The following OR52K1 variants were observed in gnomAD, a reference collection of about 807,000 sequenced individuals.
OR52K1 encodes the protein olfactory receptor 52K1.
A neutral mutation model predicts 8.7 loss-of-function variants in OR52K1; 10 were observed. The ratio of observed to expected loss-of-function variants is 1.15; its 90% CI spans 0.71 to 1.95. OR52K1 has a LOEUF of 1.95. OR52K1 is among the 30% of genes most tolerant of loss of function. The pLI, the probability that OR52K1 is intolerant of heterozygous loss-of-function variation, is 0.00. For synonymous variants in OR52K1, 203 were observed against 148.5 expected, an observed-to-expected ratio of 1.37 and a Z score of -2.67; for missense variants, 431 against 397.2, an observed-to-expected ratio of 1.08 and a Z score of -0.72.
Position 4,489,465 on chromosome 11 carries a change from C to A in OR52K1, c.565C>A (p.Leu189Met). ...CTGTGAACACATGGCTGTGGTAAGG[C>A]TGGCGTGTGGGGACACTAGCTTCAA... ...CYCEHMAVVR[L>M]ACGDTSFNNI... Residue 189 changes from leucine to methionine, a missense_variant, in exon 2 of 2, where the codon CTG (leucine) becomes ATG (methionine). Transcript: ENST00000641528. 6.2e-7 allele frequency: 1 copy of A among 1,614,206 alleles called. No homozygotes were observed. The highest frequency in any genetic ancestry group is 8.5e-7 in the Non-Finnish European group (1 of 1,180,014).
intron 1 of OR52K1, among the ~76,000 whole-genome samples, chr11:4,483,542 T>C (rs897479510): frequency 3.3e-5 from 5 of 152,170 alleles, no homozygotes; most frequent in Admixed American, 3.3e-4. Flanking sequence ...GGAGTTGATT[T>C]TAGATGAACT....
rs879464578 is a variant in OR52K1 at position 4,491,508 on chromosome 11, A to G, written c.*1663A>G. On this transcript the variant is annotated 3_prime_UTR_variant, in exon 2 of 2. Coordinates refer to ENST00000641528, the MANE Select transcript of OR52K1 (RefSeq NM_001005171.3). ...GTACATTCACTGCAGCACTATTCAC[A>G]ATAGCAAAGACACGGAATCAACCTA... The G allele has an allele frequency of 6.6e-6, 1 of 152,214 alleles. No individual in the cohort carries two copies. The highest frequency in any genetic ancestry group is 1.5e-5 in the Non-Finnish European group (1 of 68,040). The allele number at this position is 152,214 out of a possible 1,614,324, so 9.4% of individuals were successfully genotyped here. A position where few individuals can be genotyped will look rare whatever the true frequency, so the allele number is the denominator to read the frequency against.
At position 4,488,877 on chromosome 11, in the gene OR52K1, T is replaced by A. The variant is rs1229811694; in HGVS notation, c.-24T>A. The stretch of plus-strand genomic sequence containing the variant: ...AGAAGGTGAAGAAGCCCTGTAAAAA[T>A]TGACAAGGAGATTTCCAGGAGCCAT... On this transcript the variant is annotated 5_prime_UTR_variant, in exon 2 of 2. It adds an upstream start codon to the 5' untranslated region. Transcript: ENST00000641528. The A allele has an allele frequency of 6.4e-7, 1 of 1,568,550 alleles. No individual in the cohort carries two copies. Among genetic ancestry groups the A allele is most frequent in the African/African-American group, 1.4e-5 (1 of 73,760 alleles).
Position 4,489,413 on chromosome 11 carries a change from C to T in OR52K1, c.513C>T (p.Cys171=), listed in dbSNP as rs1564832617. 2 of 1,614,208 alleles carry T rather than the reference C, an allele frequency of 1.2e-6. No individual in the cohort carries two copies. Among genetic ancestry groups the T allele is most frequent in the Non-Finnish European group, 1.7e-6 (2 of 1,180,032 alleles). The change falls in exon 2 of 2, where the codon TGC becomes TGT. Residue 171 remains cysteine (C), a synonymous_variant. Transcript: ENST00000641528. Reference sequence around the variant, plus strand: ...TCCTGCTCAGACGCTTCCACTACTGCCGAGGCCCAGTGATTGCCCATTGCT... The same window carrying T: ...TCCTGCTCAGACGCTTCCACTACTGTCGAGGCCCAGTGATTGCCCATTGCT... ...LPFLLRRFHY[C]RGPVIAHCYC...
At chr11:4,486,706 T>C (rs577004344) in intron 1 of OR52K1, among the ~76,000 whole-genome samples, 9 of 152,326 alleles carry the variant, frequency 5.9e-5, no homozygotes, top group African/African-American at 2.2e-4. Flanking sequence ...TCTCCAACCT[T>C]TAGCAAACTT....
chr11:4,487,452 A>C (rs1165828996), intron 1 of OR52K1, among the ~76,000 whole-genome samples: 1 of 151,982 alleles, frequency 6.6e-6, no homozygotes, highest in African/African-American at 2.4e-5. Context: ...TACCACTAGA[A>C]TATGTGGCAG....
At position 4,489,547 on chromosome 11, in the gene OR52K1, T is replaced by C. The variant is rs746026565; in HGVS notation, c.647T>C (p.Val216Ala). The change falls in exon 2 of 2, where the codon GTT (valine) becomes GCT (alanine). Residue 216 changes from valine to alanine, a missense_variant. Coordinates refer to ENST00000641528, the MANE Select transcript of OR52K1 (RefSeq NM_001005171.3). Reference protein sequence around the residue: ...MFIVVLDLLFVILSYVFILQA... With the variant: ...MFIVVLDLLFAILSYVFILQA... ...ATTGTGGTGTTGGACCTGCTCTTTG[T>C]TATCCTGTCTTATGTCTTCATCCTT... The C allele has an allele frequency of 9.9e-6, 16 of 1,614,106 alleles. No individual in the cohort carries two copies. Among genetic ancestry groups the C allele is most frequent in the African/African-American group, 1.3e-5 (1 of 74,930 alleles).
At chr11:4,488,261 T>A (rs1287782143) in intron 1 of OR52K1, among the ~76,000 whole-genome samples, 1 of 152,266 alleles carries the variant, frequency 6.6e-6, no homozygotes, top group African/African-American at 2.4e-5. Context: ...ACTAGTCACA[T>A]GTGGCTATTG....
In OR52K1 at chr11:4,491,176, T is replaced by C. The variant is rs1260047383; in HGVS notation, c.*1331T>C. On this transcript the variant is annotated 3_prime_UTR_variant, in exon 2 of 2. Transcript: ENST00000641528. ...TGTCCTTCTATCATGGGTAGGGTAT[T>C]TCCTTCACTCCACGAATTTTAAACT... 6.6e-6 allele frequency: 1 copy of C among 152,216 alleles called. No individual in the cohort carries two copies. Among genetic ancestry groups the C allele is most frequent in the Non-Finnish European group, 1.5e-5 (1 of 68,026 alleles). 9.4% of individuals were successfully genotyped at this position (152,216 alleles called of 1,614,324 possible).
At chr11:4,484,888 T>C (rs1031913184) in intron 1 of OR52K1, among the ~76,000 whole-genome samples, 7 of 151,626 alleles carry the variant, frequency 4.6e-5, no homozygotes, top group African/African-American at 1.7e-4. Flanking sequence ...TCGCTTTCCA[T>C]TTTAGCCAGT....
intron 1 of OR52K1, among the ~76,000 whole-genome samples, chr11:4,488,213 CAG>C (rs1437850144): frequency 3.3e-5 from 5 of 152,158 alleles, no homozygotes; most frequent in African/African-American, 1.2e-4. Context: ...TGGTCTTAAA[CAG>C]AAATTTCTAC....
rs1846360860 is a variant in OR52K1 at position 4,490,035 on chromosome 11, C to G, written c.*190C>G. On this transcript the variant is annotated 3_prime_UTR_variant, in exon 2 of 2. Transcript: ENST00000641528. Reference sequence around the variant, plus strand: ...ACCAGGAGTGCACCTATAGTCTGGTCTGATAGTAGAGGTTTGACCTTCCCA... The same window carrying G: ...ACCAGGAGTGCACCTATAGTCTGGTGTGATAGTAGAGGTTTGACCTTCCCA... The G allele has an allele frequency of 1.7e-6, 1 of 588,474 alleles. No individual in the cohort carries two copies. Among genetic ancestry groups the G allele is most frequent in the Admixed American group, 3.1e-5 (1 of 32,654 alleles). The allele number at this position is 588,474 out of a possible 1,614,324, so 36.5% of individuals were successfully genotyped here.
rs1337051600 is a variant in OR52K1, at chr11:4,489,668, A to G, written c.768A>G (p.Pro256=). The G allele has an allele frequency of 6.2e-7, 1 of 1,614,048 alleles. No individual in the cohort carries two copies. The highest frequency in any genetic ancestry group is 2.2e-5 in the East Asian group (1 of 44,890). The change falls in exon 2 of 2, where the codon CCA becomes CCG. Residue 256 remains proline, a synonymous_variant. Transcript: ENST00000641528. ...HIGAILSTYT[P]VVISSVMHRV... ...GTGCCATCCTGTCCACCTACACTCC[A>G]GTAGTCATCTCTTCAGTCATGCACC...
At position 4,482,901 on chromosome 11, in the gene OR52K1, G is replaced by T; in HGVS notation, c.-604G>T. On this transcript the variant is annotated 5_prime_UTR_variant, in exon 1 of 2. Coordinates refer to ENST00000641528, the MANE Select transcript of OR52K1 (RefSeq NM_001005171.3). ...TTGCTTCTACTCTGGTCCTTCAATAGAGGGAACAGAAGTCTCGATAGTCCC... is the reference window on the plus strand; with the variant it reads ...TTGCTTCTACTCTGGTCCTTCAATATAGGGAACAGAAGTCTCGATAGTCCC... The T allele has an allele frequency of 2.7e-6, 1 of 374,580 alleles. No homozygotes were observed. Among genetic ancestry groups the T allele is most frequent in the Non-Finnish European group, 4.7e-6 (1 of 211,338 alleles). 23.2% of individuals were successfully genotyped at this position (374,580 alleles called of 1,614,324 possible).
At chr11:4,488,311 A>G (rs2133106756) in intron 1 of OR52K1, among the ~76,000 whole-genome samples, 1 of 152,342 alleles carries the variant, frequency 6.6e-6, no homozygotes, top group Admixed American at 6.5e-5. Context: ...GAAATTTATT[A>G]AGTATAAATT....
Position 4,491,908 on chromosome 11 carries a change from C to T in OR52K1, c.*2063C>T, listed in dbSNP as rs1215958227. On this transcript the variant is annotated 3_prime_UTR_variant, in exon 2 of 2. Coordinates refer to ENST00000641528, the MANE Select transcript of OR52K1 (RefSeq NM_001005171.3). The stretch of plus-strand genomic sequence containing the variant: ...TTTATATAACACACCTGCACATGTA[C>T]CTCTAACCTAAAATAAAAGTTAAAA... 1 of 152,080 alleles carries T rather than the reference C, an allele frequency of 6.6e-6. No individual in the cohort carries two copies. Among genetic ancestry groups the T allele is most frequent in the Non-Finnish European group, 1.5e-5 (1 of 68,028 alleles). The allele number at this position is 152,080 out of a possible 1,614,324, so 9.4% of individuals were successfully genotyped here.
rs148495739 is a variant in OR52K1, at chr11:4,482,669, C to T, written c.-836C>T. On this transcript the variant is annotated 5_prime_UTR_variant, in exon 1 of 2. Transcript: ENST00000641528. ...TCCTTAGACTGAAAGAGGAAGGCGG[C>T]ACTGGTGCTGCATGAAGCTAATGAA... The T allele has an allele frequency of 1.8e-3, 277 of 153,024 alleles. 1 individual carries two copies. The highest frequency in any genetic ancestry group is 2.6e-3 in the Admixed American group (40 of 15,310). 9.5% of individuals were successfully genotyped at this position (153,024 alleles called of 1,614,324 possible). A position where few individuals can be genotyped will look rare whatever the true frequency, so the allele number is the denominator to read the frequency against.
At chr11:4,487,272 C>T (rs1160844908) in intron 1 of OR52K1, among the ~76,000 whole-genome samples, 1 of 152,106 alleles carries the variant, frequency 6.6e-6, no homozygotes, top group Non-Finnish European at 1.5e-5. Context: ...AACAGTTCTA[C>T]AGAAGAGAAA....
In OR52K1 at chr11:4,482,784, AGGAAGGTGGGAGTGAGCT is replaced by A. The variant is rs1846290326; in HGVS notation, c.-710_-693del. On this transcript the variant is annotated 5_prime_UTR_variant, in exon 1 of 2. Transcript: ENST00000641528. ...AACAAGTGATGTTATTGGGGTGAGC[AGGAAGGTGGGAGTGAGCT>A]GGAAGGTGGGGGCACTGTCAATTTC... 1 of 212,162 alleles carries A rather than the reference AGGAAGGTGGGAGTGAGCT, an allele frequency of 4.7e-6. No individual in the cohort carries two copies. The highest frequency in any genetic ancestry group is 9.3e-6 in the Non-Finnish European group (1 of 107,954). The allele number at this position is 212,162 out of a possible 1,614,324, so 13.1% of individuals were successfully genotyped here.
Sources: gnomAD v4.1 joint callset for allele counts (sites outside exome capture counted in the v4.1 genomes callset) on GRCh38, gnomAD v4.1.1 for gene constraint, MANE v1.5 for transcripts, NCBI Gene and HGNC (gene_info 2026-07-23, HGNC 2026-07-21) for gene names.